SRRD: variants seen among roughly 807,000 people sequenced by gnomAD.
SRRD encodes SRR1-like protein.
SRRD carries 28 observed loss-of-function variants against 30.7 expected under a neutral mutation model. The ratio of observed to expected loss-of-function variants is 0.91; its 90% CI spans 0.68 to 1.25. SRRD has a LOEUF of 1.25. SRRD is among the 50% of genes most tolerant of loss of function. The pLI, the probability that SRRD is intolerant of heterozygous loss-of-function variation, is 0.00. For missense variants in SRRD, 415 were observed against 417.3 expected (o/e 0.99, Z 0.05); for synonymous variants, 161 against 159.6 (o/e 1.01, Z -0.07).
At chr22:26,488,764 T>C (rs1441827406) in intron 4 of SRRD, among the ~76,000 whole-genome samples, 1 of 152,278 alleles carries the variant, frequency 6.6e-6, no homozygotes, top group African/African-American at 2.4e-5. Flanking sequence ...GAAATTATGC[T>C]AACTTGGTAT....
At position 26,487,347 on chromosome 22, in the gene SRRD, TAAAC is replaced by T. The variant is rs1200336297; in HGVS notation, c.251-680_251-677del. 1.1e-4 allele frequency among the ~76,000 whole-genome samples: 17 copies of T among 152,286 alleles called. No homozygotes were observed. In the South Asian group the frequency reaches 3.1e-3, roughly 28 times the overall value. On this transcript the variant is annotated intron_variant, in intron 2 of 6. Coordinates refer to ENST00000215917, the MANE Select transcript of SRRD (RefSeq NM_001013694.3). ...GAACCTACCTCTACATGAGAAGACTTAAACAGAGTATAACTTTATTTTATTTTTT... is the reference window on the plus strand; with the variant it reads ...GAACCTACCTCTACATGAGAAGACTTAGAGTATAACTTTATTTTATTTTTT...
At position 26,493,985 on chromosome 22, in the gene SRRD, C is replaced by A. The variant is rs947045670; in HGVS notation, c.*2313C>A. 14 of 774,400 alleles carry A rather than the reference C, an allele frequency of 1.8e-5. No individual in the cohort carries two copies. The highest frequency in any genetic ancestry group is 2.8e-5 in the Non-Finnish European group (14 of 491,674). 48.0% of individuals were successfully genotyped at this position (774,400 alleles called of 1,614,324 possible). ...GTGGGTGCCAGCTGACCATGTACCC[C>A]AGTCAGCAGGGTGAGAGTCTGTTGC... On this transcript the variant is annotated 3_prime_UTR_variant, in exon 7 of 7. Transcript: ENST00000215917.
chr22:26,486,118 C>A, intron 2 of SRRD, 55 bp downstream of exon 2: 8 of 1,611,168 alleles, frequency 5.0e-6, no homozygotes, highest in Non-Finnish European at 6.8e-6. Context: ...AGAATCAGTC[C>A]TCATTTGAGG....
chr22:26,491,161 G>T, intron 6 of SRRD, 91 bp downstream of exon 6: 1 of 1,339,672 alleles, frequency 7.5e-7, no homozygotes, highest in South Asian at 1.3e-5. Context: ...GGAAACTCAT[G>T]GGCTAAGTGG....
chr22:26,484,304 T>C (rs994217365), intron 1 of SRRD, among the ~76,000 whole-genome samples: 3 of 152,212 alleles, frequency 2.0e-5, no homozygotes, highest in African/African-American at 7.2e-5. Context: ...CGGTTACAGC[T>C]GCGTGACCTT....
rs746394406 is a variant in SRRD at position 26,492,380 on chromosome 22, G to A, written c.*708G>A. On this transcript the variant is annotated 3_prime_UTR_variant, in exon 7 of 7. Transcript: ENST00000215917. ...CTGCATGTAGGCACCTAAGATACAG[G>A]AGGACAGGGCGGTGAGGAGAGGTGT... 3.7e-6 allele frequency: 6 copies of A among 1,613,142 alleles called. No homozygotes were observed. Among genetic ancestry groups the A allele is most frequent in the Non-Finnish European group, 5.1e-6 (6 of 1,179,288 alleles).
Position 26,488,386 on chromosome 22 carries a change from C to T in SRRD, c.511-4C>T. The T allele has an allele frequency of 6.2e-7, 1 of 1,614,078 alleles. No homozygotes were observed. The highest frequency in any genetic ancestry group is 2.2e-5 in the East Asian group (1 of 44,876). On this transcript the variant is annotated splice_region_variant and splice_polypyrimidine_tract_variant and intron_variant, in intron 3 of 6. Transcript: ENST00000215917. ...GAAGTAAACAACTCATTCTTCCCTT[C>T]TAGATTCCCAGAAGTCACTGTTGGG... is the stretch of plus-strand genomic sequence containing the variant.
intron 5 of SRRD, among the ~76,000 whole-genome samples, chr22:26,490,447 A>G (rs1171792585): frequency 2.6e-5 from 4 of 151,884 alleles, no homozygotes; most frequent in Non-Finnish European, 5.9e-5. Flanking sequence ...AAACAGGGAA[A>G]AGCTATTTGA....
chr22:26,492,199 G>A lies in SRRD; in HGVS notation c.*527G>A, dbSNP rs771163665. ...TGTGCTCCTCAGCCTTGGTCTCAAT[G>A]AGGTCCTTAAAGTTCATGGGCACAG... is the stretch of plus-strand genomic sequence containing the variant. On this transcript the variant is annotated 3_prime_UTR_variant, in exon 7 of 7. Coordinates refer to ENST00000215917, the MANE Select transcript of SRRD (RefSeq NM_001013694.3). 2 of 1,614,218 alleles carry A rather than the reference G, an allele frequency of 1.2e-6. No individual in the cohort carries two copies. Among genetic ancestry groups the A allele is most frequent in the Non-Finnish European group, 1.7e-6 (2 of 1,180,048 alleles).
intron 2 of SRRD, among the ~76,000 whole-genome samples, chr22:26,486,325 GTCAT>G (rs1446669323): frequency 6.6e-6 from 1 of 152,134 alleles, no homozygotes; most frequent in Non-Finnish European, 1.5e-5. Context: ...AATAAATGTT[GTCAT>G]TATTATTGCT....
At chr22:26,484,158 G>T in intron 1 of SRRD, 59 bp downstream of exon 1, 1 of 1,480,122 alleles carries the variant, frequency 6.8e-7, no homozygotes, top group Non-Finnish European at 9.1e-7. Flanking sequence ...CTGAGCCACA[G>T]TCTCCCCATC....
chr22:26,486,431 G>A (rs1172028786), intron 2 of SRRD, among the ~76,000 whole-genome samples: 1 of 152,144 alleles, frequency 6.6e-6, no homozygotes, highest in South Asian at 2.1e-4. Flanking sequence ...ATAGTGTGTG[G>A]GTGGCGACAT....
chr22:26,489,166 G>C (rs1337384824), intron 4 of SRRD, among the ~76,000 whole-genome samples: 1 of 152,162 alleles, frequency 6.6e-6, no homozygotes, highest in Admixed American at 6.5e-5. Context: ...GTTGAGAGAA[G>C]AGTCATTCCC....
At chr22:26,485,366 T>A (rs2091683951) in intron 1 of SRRD, among the ~76,000 whole-genome samples, 1 of 152,244 alleles carries the variant, frequency 6.6e-6, no homozygotes, top group African/African-American at 2.4e-5. Flanking sequence ...GGGCCGACTT[T>A]CAATTCTCTG....
At position 26,486,051 on chromosome 22, in the gene SRRD, A is replaced by G. The variant is rs201612836; in HGVS notation, c.238A>G (p.Ser80Gly). 1.2e-6 allele frequency: 2 copies of G among 1,614,074 alleles called. No individual in the cohort carries two copies. Among genetic ancestry groups the G allele is most frequent in the Non-Finnish European group, 1.7e-6 (2 of 1,180,002 alleles). The change falls in exon 2 of 7, where the codon AGT (serine) becomes GGT (glycine). Residue 80 changes from serine (S) to glycine (G), a missense_variant. By Grantham distance (56) the Ser-to-Gly change is moderately conservative. Coordinates refer to ENST00000215917, the MANE Select transcript of SRRD (RefSeq NM_001013694.3). ...EKDLFISDFW[S>G]SALETINRCL... is the part of the protein sequence containing the mutation. ...GGACCTGTTTATCTCTGATTTCTGG[A>G]GTTCAGCACTAGGTGGGTACCACTT...
chr22:26,494,288 A>G lies in SRRD; in HGVS notation c.*2616A>G, dbSNP rs1569155848. 6.2e-7 allele frequency: 1 copy of G among 1,614,246 alleles called. No homozygotes were observed. The highest frequency in any genetic ancestry group is 8.5e-7 in the Non-Finnish European group (1 of 1,180,042). ...CTCCTCATAATTTGGGCTGTTACTG[A>G]GCCAAGAGCACAGCACCTGCCAAAA... On this transcript the variant is annotated 3_prime_UTR_variant, in exon 7 of 7. Transcript: ENST00000215917.
chr22:26,491,609 T>C lies in SRRD; in HGVS notation c.957T>C (p.Tyr319=). Residue 319 remains tyrosine, a synonymous_variant, in exon 7 of 7, where the codon TAT becomes TAC. Coordinates refer to ENST00000215917, the MANE Select transcript of SRRD (RefSeq NM_001013694.3). ...DIWEFREEPD[Y]QDCEDLEIIR... ...GGGAGTTTCGGGAAGAACCAGATTA[T>C]CAGGACTGTGAGGACCTTGAAATCA... 1 of 1,614,130 alleles carries C rather than the reference T, an allele frequency of 6.2e-7. No homozygotes were observed. The highest frequency in any genetic ancestry group is 1.3e-5 in the African/African-American group (1 of 75,060).
At chr22:26,490,396 G>C (rs749827250) in intron 5 of SRRD, among the ~76,000 whole-genome samples, 198 bp downstream of exon 5, 1 of 152,000 alleles carries the variant, frequency 6.6e-6, no homozygotes, top group African/African-American at 2.4e-5. Flanking sequence ...TTTTTGCCAC[G>C]AATTCCTCCC....
At chr22:26,490,284 G>A in intron 5 of SRRD, 86 bp downstream of exon 5, 1 of 1,458,420 alleles carries the variant, frequency 6.9e-7, no homozygotes, top group Admixed American at 1.9e-5. Flanking sequence ...ACATTTCCTT[G>A]ACGATTCCAT....
Sources: allele counts gnomAD v4.1 joint callset (sites outside exome capture counted in the v4.1 genomes callset), GRCh38; gene constraint gnomAD v4.1.1; transcripts MANE v1.5; gene names NCBI Gene and HGNC (gene_info 2026-07-23, HGNC 2026-07-21).